GASK1B: variants seen among roughly 807,000 people sequenced by gnomAD.
The protein encoded by GASK1B is Golgi-associated kinase 1B.
Under a neutral mutation model 42.8 loss-of-function variants are expected in GASK1B, and 34 were observed. That is an observed-to-expected ratio of 0.79 (90% CI 0.60 to 1.06). The LOEUF is 1.06. GASK1B is among the 50% of genes least tolerant of loss of function. GASK1B has a pLI of 0.00. For missense variants in GASK1B, 686 were observed against 661.0 expected (o/e 1.04, Z -0.42); for synonymous variants, 262 against 259.1 (o/e 1.01, Z -0.11).
chr4:158,157,043 C>T (rs1017836182), intron 2 of GASK1B, among the ~76,000 whole-genome samples: 2 of 152,022 alleles, frequency 1.3e-5, no homozygotes, highest in Non-Finnish European at 2.9e-5. Flanking sequence ...TTCTTATCTC[C>T]GGTCTTTAAC....
At chr4:158,141,333 A>T (rs1731107659) in intron 3 of GASK1B, among the ~76,000 whole-genome samples, 2 of 151,816 alleles carry the variant, frequency 1.3e-5, no homozygotes, top group Non-Finnish European at 2.9e-5. Flanking sequence ...AGCTTATGAG[A>T]TACTGGGCCT....
chr4:158,133,342 A>G (rs1446255284), intron 3 of GASK1B, among the ~76,000 whole-genome samples: 2 of 152,202 alleles, frequency 1.3e-5, no homozygotes, highest in African/African-American at 2.4e-5. Context: ...ATCAAAGTCT[A>G]TTATATTGGA....
chr4:158,134,855 A>G (rs1443795781), intron 3 of GASK1B, among the ~76,000 whole-genome samples: 1 of 152,150 alleles, frequency 6.6e-6, no homozygotes, highest in Non-Finnish European at 1.5e-5. Flanking sequence ...AGTTCACCAA[A>G]ACCCATTAGA....
rs564409300 is a variant in GASK1B, at chr4:158,170,938, G to C, written c.438C>G (p.Val146=). The stretch of plus-strand genomic sequence containing the variant: ...CTTCCTGCGGCTGAAGGGATGGTCC[G>C]ACCAAAGCCTCCTGCCCTGGGGCAG... ...ASAAPGQEAL[V]GPSLQPQEAA... is the part of the protein sequence containing the mutation. The change falls in exon 2 of 5, where the codon GTC becomes GTG. Residue 146 remains valine (V), a synonymous_variant. Transcript: ENST00000585682. The C allele has an allele frequency of 2.5e-5, 40 of 1,614,194 alleles. 1 individual carries two copies. In the South Asian group the frequency reaches 4.3e-4, roughly 17 times the overall value.
intron 3 of GASK1B, among the ~76,000 whole-genome samples, chr4:158,155,392 A>G (rs1008920922): frequency 6.6e-6 from 1 of 152,152 alleles, no homozygotes; most frequent in Admixed American, 6.5e-5. Flanking sequence ...TTTAAGTCTG[A>G]TAAGAAACAT....
intron 3 of GASK1B, among the ~76,000 whole-genome samples, chr4:158,146,305 G>A (rs933704115): frequency 6.6e-6 from 1 of 151,848 alleles, no homozygotes; most frequent in Non-Finnish European, 1.5e-5. Flanking sequence ...AACTTAATAG[G>A]CGAAGGCCTA....
intron 3 of GASK1B, among the ~76,000 whole-genome samples, chr4:158,146,823 T>C (rs985163249): frequency 6.6e-6 from 1 of 152,214 alleles, no homozygotes; most frequent in African/African-American, 2.4e-5. Context: ...AAACACTCTC[T>C]AGAATACTTC....
intron 2 of GASK1B, among the ~76,000 whole-genome samples, chr4:158,165,788 G>T (rs1372580694): frequency 6.6e-6 from 1 of 152,114 alleles, no homozygotes. Context: ...CAATTTCATT[G>T]CTCTCTAGGT....
In GASK1B at chr4:158,127,748, G is replaced by A; in HGVS notation, c.1353-134C>T. The A allele has an allele frequency of 4.1e-6, 3 of 723,602 alleles. No homozygotes were observed. The East Asian group carries it at 8.1e-5, about 20-fold the overall frequency. 44.8% of individuals were successfully genotyped at this position (723,602 alleles called of 1,614,324 possible). On this transcript the variant is annotated intron_variant, in intron 4 of 4. Transcript: ENST00000585682. ...TATCTTTGAGAACCAAAACATTTTTGTTACTGCCAAGATGACACTTCTCTT... is the reference window on the plus strand; with the variant it reads ...TATCTTTGAGAACCAAAACATTTTTATTACTGCCAAGATGACACTTCTCTT...
intron 3 of GASK1B, among the ~76,000 whole-genome samples, chr4:158,137,041 C>T (rs996096842): frequency 5.3e-5 from 8 of 152,202 alleles, no homozygotes; most frequent in South Asian, 2.1e-4. Flanking sequence ...ATCAAGATAA[C>T]GGATTTTTTT....
chr4:158,130,734 C>T (rs1730642947), intron 4 of GASK1B, 52 bp downstream of exon 4: 4 of 1,346,968 alleles, frequency 3.0e-6, no homozygotes, highest in East Asian at 2.3e-5. Context: ...CAGAACCTTG[C>T]TACTTATCTA....
Position 158,170,944 on chromosome 4 carries a change from AGCCTCCTGCCCTG to A in GASK1B, c.419_431del (p.Pro140LeufsTer19). 6.2e-7 allele frequency: 1 copy of A among 1,614,202 alleles called. No individual in the cohort carries two copies. Among genetic ancestry groups the A allele is most frequent in the Non-Finnish European group, 8.5e-7 (1 of 1,180,040 alleles). On this transcript the variant is annotated frameshift_variant, in exon 2 of 5. Transcript: ENST00000585682. LOFTEE classifies it high-confidence loss of function. ...GCGGCTGAAGGGATGGTCCGACCAA[AGCCTCCTGCCCTG>A]GGGCAGCCGATGCCACTGCATGCTT...
intron 3 of GASK1B, among the ~76,000 whole-genome samples, chr4:158,133,913 G>A (rs1299064048): frequency 6.6e-6 from 1 of 151,942 alleles, no homozygotes; most frequent in Non-Finnish European, 1.5e-5. Flanking sequence ...GTGTGTGTGT[G>A]TGTGCGCGTG....
intron 2 of GASK1B, among the ~76,000 whole-genome samples, chr4:158,165,470 T>C (rs1221490387): frequency 1.3e-5 from 2 of 152,192 alleles, no homozygotes; most frequent in African/African-American, 2.4e-5. Flanking sequence ...TGATTGTTTA[T>C]GGTAAACAAG....
At chr4:158,161,740 G>C (rs1022898026) in intron 2 of GASK1B, among the ~76,000 whole-genome samples, 3 of 152,172 alleles carry the variant, frequency 2.0e-5, no homozygotes, top group African/African-American at 7.2e-5. Context: ...ATCACATTTT[G>C]CAGATGAAAT....
chr4:158,149,439 G>A (rs1039245663), intron 3 of GASK1B, among the ~76,000 whole-genome samples: 1 of 152,148 alleles, frequency 6.6e-6, no homozygotes, highest in African/African-American at 2.4e-5. Context: ...ATGAGATTTA[G>A]TTGACAGGTT....
intron 3 of GASK1B, among the ~76,000 whole-genome samples, chr4:158,141,597 CTTTTTTTTT>C (rs199530247): frequency 3.5e-4 from 40 of 113,658 alleles, no homozygotes; most frequent in African/African-American, 1.3e-3. Context: ...TTGTATTTAC[CTTTTTTTTT>C]TTTTTTTTTT....
chr4:158,167,519 T>C (rs1236578699), intron 2 of GASK1B, among the ~76,000 whole-genome samples: 2 of 152,178 alleles, frequency 1.3e-5, no homozygotes, highest in Non-Finnish European at 2.9e-5. Flanking sequence ...TGGCTTCCAG[T>C]ATAGTTTTAC....
At chr4:158,172,197 ACACAC>A (rs1162607707) in intron 1 of GASK1B, 1 of 149,584 alleles carries the variant, frequency 6.7e-6, no homozygotes, top group Non-Finnish European at 1.5e-5. Context: ...ACACATACAC[ACACAC>A]AACACAACAC....
Sources: gnomAD v4.1 joint callset for allele counts (sites outside exome capture counted in the v4.1 genomes callset) on GRCh38, gnomAD v4.1.1 for gene constraint, MANE v1.5 for transcripts, NCBI Gene and HGNC (gene_info 2026-07-23, HGNC 2026-07-21) for gene names.